Variants in MIAT observed in about 807,000 individuals in gnomAD.
The protein encoded by MIAT is myocardial infarction associated transcript.
chr22:26,672,244 T>A (rs1206064031), downstream of MIAT: 6 of 399,190 alleles, frequency 1.5e-5, no homozygotes, highest in Middle Eastern at 6.3e-4. Flanking sequence ...TGCCGAGCTC[T>A]GGGCTCCCCC....
chr22:26,673,767 A>G, downstream of MIAT: 1 of 398,660 alleles, frequency 2.5e-6, no homozygotes, highest in Non-Finnish European at 4.4e-6. Context: ...AACAATCAGA[A>G]GTCGGTAAAG....
downstream of MIAT, chr22:26,673,490 C>G (rs989561852): frequency 2.5e-5 from 10 of 398,686 alleles, no homozygotes; most frequent in Non-Finnish European, 3.5e-5. Context: ...CTTAATTAAC[C>G]TTTCCTTCAC....
intron 2 of MIAT, among the ~76,000 whole-genome samples, chr22:26,653,255 G>C (rs1356163591): frequency 6.6e-6 from 1 of 152,242 alleles, no homozygotes; most frequent in African/African-American, 2.4e-5. Flanking sequence ...ACTGGGAGCA[G>C]AGGAGGCCAC....
At chr22:26,669,059 CT>C in exon 6 of MIAT, 1 of 398,638 alleles carries the variant, frequency 2.5e-6, no homozygotes, top group East Asian at 3.6e-5. Flanking sequence ...AATCAGATCG[CT>C]GCTTCTAGTT....
chr22:26,654,933 C>G (rs1271133719), intron 2 of MIAT, among the ~76,000 whole-genome samples: 1 of 152,056 alleles, frequency 6.6e-6, no homozygotes, highest in Non-Finnish European at 1.5e-5. Flanking sequence ...AGGATGGTCT[C>G]GATCTCCTGA....
rs560163642 is a variant in MIAT, at chr22:26,659,245, A to G, written n.647-4071A>G. On this transcript the variant is annotated intron_variant and non_coding_transcript_variant, in intron 2 of 5. Coordinates refer to ENST00000643270, the Ensembl canonical transcript of MIAT. ...CAGAATCATCCAGCAGCCTGGGCAA[A>G]CCATTTCCGGACACTTTGCCAGCTC... 3.3e-5 allele frequency among the ~76,000 whole-genome samples: 5 copies of G among 152,126 alleles called. No individual in the cohort carries two copies. In the East Asian group the frequency reaches 9.7e-4, roughly 29 times the overall value.
downstream of MIAT, chr22:26,673,513 C>T (rs538345790): frequency 3.3e-5 from 13 of 398,788 alleles, no homozygotes; most frequent in South Asian, 7.6e-4. Flanking sequence ...TGACTAACTC[C>T]TGCCTTCCTG....
At chr22:26,665,367 A>C (rs1930810290) in intron 3 of MIAT, 1 of 397,902 alleles carries the variant, frequency 2.5e-6, no homozygotes, top group African/African-American at 2.1e-5. Context: ...CTCTAGCCCC[A>C]AAGCCCATAC....
chr22:26,660,835 C>G (rs1401987185), intron 2 of MIAT: 1 of 152,244 alleles, frequency 6.6e-6, no homozygotes, highest in Non-Finnish European at 1.5e-5. Flanking sequence ...GCAAATCCTT[C>G]TCTCCATGTG....
At chr22:26,666,600 CCTA>C (rs1930851134) in exon 4 of MIAT, 1 of 398,502 alleles carries the variant, frequency 2.5e-6, no homozygotes, top group African/African-American at 2.1e-5. Flanking sequence ...CTGAGTTTGT[CCTA>C]CTTTCTCCTG....
chr22:26,661,858 A>G (rs1321396956), intron 2 of MIAT, among the ~76,000 whole-genome samples: 2 of 148,006 alleles, frequency 1.4e-5, no homozygotes, highest in African/African-American at 4.9e-5. Flanking sequence ...TGCAGTTTAC[A>G]TATACCTTCC....
intron 2 of MIAT, among the ~76,000 whole-genome samples, chr22:26,648,376 A>T (rs1182410552): frequency 6.6e-6 from 1 of 152,150 alleles, no homozygotes; most frequent in Non-Finnish European, 1.5e-5. Context: ...GCAAGCGCAC[A>T]CGCTGGAGAC....
chr22:26,667,845 A>AT, intron 5 of MIAT: 1 of 199,416 alleles, frequency 5.0e-6, no homozygotes, highest in Admixed American at 6.1e-5. Flanking sequence ...TGCCTGGCTT[A>AT]TTTTTTGTAG....
At chr22:26,671,682 T>C, downstream of MIAT, 2 of 398,632 alleles carry the variant, frequency 5.0e-6, no homozygotes, top group Non-Finnish European at 8.8e-6. Flanking sequence ...ACTCACCAAC[T>C]CTGCCACTTC....
intron 5 of MIAT, chr22:26,667,395 C>A (rs1242313780): frequency 2.6e-6 from 1 of 391,162 alleles, no homozygotes; most frequent in Middle Eastern, 6.4e-4. Context: ...TGTGTGCATG[C>A]GTGCATGTGT....
exon 5 of MIAT, chr22:26,676,430 T>C (rs1476236630): frequency 7.5e-6 from 3 of 398,666 alleles, no homozygotes; most frequent in Admixed American, 4.4e-5. Flanking sequence ...ATGTAGCTGC[T>C]TCTGTGTAAA....
chr22:26,673,343 C>G (rs116449155), downstream of MIAT: 811 of 398,924 alleles, frequency 2.0e-3, 6 homozygotes, highest in African/African-American at 0.015. Context: ...TTGGGCTAAT[C>G]TCTGGCTCCC....
At chr22:26,648,926 C>T (rs558765452) in intron 2 of MIAT, among the ~76,000 whole-genome samples, 4 of 109,384 alleles carry the variant, frequency 3.7e-5, no homozygotes, top group East Asian at 5.4e-4. Flanking sequence ...AGCGAGAGAG[C>T]GAGACAGAGA....
chr22:26,657,653 A>C, intron 2 of MIAT: 2 of 398,652 alleles, frequency 5.0e-6, no homozygotes, highest in Non-Finnish European at 8.8e-6. Flanking sequence ...CGCGGACCCG[A>C]GGTAAGACGT....
Sources: allele counts gnomAD v4.1 joint callset (sites outside exome capture counted in the v4.1 genomes callset), GRCh38; gene constraint gnomAD v4.1.1; transcripts MANE v1.5; gene names NCBI Gene and HGNC (gene_info 2026-07-23, HGNC 2026-07-21).